The following MAGI1 variants were observed in gnomAD, a reference collection of about 807,000 sequenced individuals.
MAGI1 encodes the protein membrane associated guanylate kinase, WW and PDZ domain containing 1, also known as membrane-associated guanylate kinase, WW and PDZ domain-containing protein 1.
Under a neutral mutation model 139.9 loss-of-function variants are expected in MAGI1, and 58 were observed. The observed-to-expected ratio is 0.41, with a 90% confidence interval of 0.34 to 0.52. MAGI1 has a LOEUF of 0.52. Ranked by LOEUF, MAGI1 falls within the 20% of genes least tolerant of loss-of-function variation. The pLI, the probability that MAGI1 is intolerant of heterozygous loss-of-function variation, is 0.12. For synonymous variants in MAGI1, 812 were observed against 737.9 expected (o/e 1.10, Z -1.63); for missense variants, 1,874 against 1,901.6 (o/e 0.99, Z 0.27).
chr3:65,401,396 C>CCA, intron 13 of MAGI1, 43 bp downstream of exon 13: 2 of 1,547,482 alleles, frequency 1.3e-6, no homozygotes, highest in Non-Finnish European at 1.8e-6. Flanking sequence ...CCCCACCATC[C>CCA]ACCCCAGCCC....
At chr3:65,896,394 G>A (rs2060971974) in intron 1 of MAGI1, among the ~76,000 whole-genome samples, 1 of 151,986 alleles carries the variant, frequency 6.6e-6, no homozygotes, top group African/African-American at 2.4e-5. Flanking sequence ...AAGAAAAAAC[G>A]ACTTGAAATT....
intron 12 of MAGI1, among the ~76,000 whole-genome samples, chr3:65,419,095 C>T (rs1410827046): frequency 1.3e-5 from 2 of 152,092 alleles, no homozygotes; most frequent in African/African-American, 4.8e-5. Context: ...CTTTTTCTCC[C>T]TCCTTCCTGC....
chr3:65,525,823 A>G (rs1279302939), intron 2 of MAGI1, among the ~76,000 whole-genome samples: 1 of 152,190 alleles, frequency 6.6e-6, no homozygotes, highest in African/African-American at 2.4e-5. Flanking sequence ...ACAATTGTAC[A>G]AGTATACAAT....
At chr3:65,911,015 AC>A (rs1464170161) in intron 1 of MAGI1, among the ~76,000 whole-genome samples, 1 of 151,076 alleles carries the variant, frequency 6.6e-6, no homozygotes, top group African/African-American at 2.4e-5. Flanking sequence ...ACGCCAGCAC[AC>A]CCGGCTAATT....
At chr3:65,578,692 G>T (rs965351846) in intron 2 of MAGI1, among the ~76,000 whole-genome samples, 6 of 152,164 alleles carry the variant, frequency 3.9e-5, no homozygotes, top group African/African-American at 9.7e-5. Context: ...CGCCGAGGTG[G>T]GTGGATCACT....
chr3:65,398,941 A>T (rs375994193), intron 13 of MAGI1, among the ~76,000 whole-genome samples: 1 of 152,268 alleles, frequency 6.6e-6, no homozygotes, highest in East Asian at 1.9e-4. Flanking sequence ...GAAACAAGAT[A>T]AAAAAAGATA....
At chr3:65,781,501 T>A (rs2038930826) in intron 1 of MAGI1, among the ~76,000 whole-genome samples, 1 of 152,214 alleles carries the variant, frequency 6.6e-6, no homozygotes, top group Admixed American at 6.5e-5. Flanking sequence ...ACGTGGTGGT[T>A]TGCTGCATGG....
intron 9 of MAGI1, among the ~76,000 whole-genome samples, chr3:65,438,391 T>C (rs7645758): frequency 0.049 from 7,388 of 152,138 alleles, 604 homozygotes; most frequent in African/African-American, 0.17. Flanking sequence ...TGGAGGGGGA[T>C]GAAGGATGAT....
intron 1 of MAGI1, among the ~76,000 whole-genome samples, chr3:65,815,043 C>A (rs1004667096): frequency 4.6e-5 from 7 of 151,158 alleles, no homozygotes; most frequent in African/African-American, 1.7e-4. Context: ...ATTTCTAAGT[C>A]CTGCCTCGTA....
At chr3:65,392,681 T>C (rs10222645) in intron 13 of MAGI1, among the ~76,000 whole-genome samples, 2,897 of 152,296 alleles carry the variant, frequency 0.019, 100 homozygotes, top group African/African-American at 0.066. Flanking sequence ...GCAAGGTCCC[T>C]TCATTTAATT....
chr3:65,950,443 C>T (rs996145627), intron 1 of MAGI1, among the ~76,000 whole-genome samples: 1 of 152,034 alleles, frequency 6.6e-6, no homozygotes, highest in Non-Finnish European at 1.5e-5. Flanking sequence ...ACCCCGCCCT[C>T]GCTGTTGAAG....
intron 13 of MAGI1, among the ~76,000 whole-genome samples, chr3:65,400,912 G>A (rs1056053319): frequency 4.6e-5 from 7 of 151,828 alleles, no homozygotes; most frequent in Non-Finnish European, 7.4e-5. Context: ...TCTGAGCATG[G>A]TCACATATAT....
At chr3:65,803,585 G>A (rs1450979523) in intron 1 of MAGI1, among the ~76,000 whole-genome samples, 3 of 152,088 alleles carry the variant, frequency 2.0e-5, no homozygotes, top group Non-Finnish European at 4.4e-5. Flanking sequence ...TACATATGCA[G>A]GTTTGTTATA....
chr3:65,430,943 G>A, intron 10 of MAGI1, 62 bp from the exon 11 acceptor site: 1 of 1,475,178 alleles, frequency 6.8e-7, no homozygotes, highest in Non-Finnish European at 9.4e-7. Flanking sequence ...AATTAAACAA[G>A]ATTTGAGACA....
At chr3:65,687,901 G>A in intron 1 of MAGI1, 1 of 655,414 alleles carries the variant, frequency 1.5e-6, no homozygotes. Flanking sequence ...GTATTGCAGG[G>A]TGCCTTAGCA....
chr3:65,608,397 T>C (rs1290985626), intron 2 of MAGI1, among the ~76,000 whole-genome samples: 1 of 151,782 alleles, frequency 6.6e-6, no homozygotes, highest in African/African-American at 2.4e-5. Context: ...ATTGCGCCAT[T>C]GCACTCCAGC....
chr3:65,623,850 G>A lies in MAGI1; in HGVS notation c.314-1762C>T, dbSNP rs17073209. On this transcript the variant is annotated intron_variant, in intron 1 of 22. Transcript: ENST00000402939. ...ATTCTATCTACTGTTTCAAGTCACC[G>A]AAAGGAAAAATACATATATTCAAAC... Among the ~76,000 whole-genome samples, 355 of 152,118 alleles carry A rather than the reference G, an allele frequency of 2.3e-3. 5 individuals carry two copies. Among genetic ancestry groups the A allele is most frequent in the East Asian group, 0.016 (84 of 5,172 alleles).
At chr3:65,422,557 A>C (rs965619214) in intron 12 of MAGI1, among the ~76,000 whole-genome samples, 1 of 152,182 alleles carries the variant, frequency 6.6e-6, no homozygotes, top group African/African-American at 2.4e-5. Flanking sequence ...CTTTTCATTC[A>C]ATGCAGATGA....
At chr3:65,824,098 A>C (rs969196751) in intron 1 of MAGI1, among the ~76,000 whole-genome samples, 1 of 152,210 alleles carries the variant, frequency 6.6e-6, no homozygotes, top group Non-Finnish European at 1.5e-5. Flanking sequence ...TTTTTACCAC[A>C]CAATTTTTTT....
Sources: gnomAD v4.1 joint callset for allele counts (sites outside exome capture counted in the v4.1 genomes callset) on GRCh38, gnomAD v4.1.1 for gene constraint, MANE v1.5 for transcripts, NCBI Gene and HGNC (gene_info 2026-07-23, HGNC 2026-07-21) for gene names.